MORN1: variants seen among roughly 807,000 people sequenced by gnomAD.
MORN1 encodes the protein MORN repeat containing 1, also known as MORN repeat-containing protein 1.
Under a neutral mutation model 61.9 loss-of-function variants are expected in MORN1, and 67 were observed. That is an observed-to-expected ratio of 1.08 (90% CI 0.89 to 1.33). The LOEUF (loss-of-function observed/expected upper bound fraction) is 1.33, where lower values mean the gene tolerates loss of function less well. MORN1 is among the 40% of genes most tolerant of loss of function. MORN1 has a pLI of 0.00. For synonymous variants in MORN1, 301 were observed against 292.0 expected, an observed-to-expected ratio of 1.03 and a Z score of -0.31; for missense variants, 752 against 691.2, an observed-to-expected ratio of 1.09 and a Z score of -0.99.
rs536406524 is a variant in MORN1 at position 2,387,103 on chromosome 1, C to G, written c.358+316G>C. On this transcript the variant is annotated intron_variant, in intron 4 of 13. Transcript: ENST00000378531. ...AAGCCCCTCCCTGCAGGGCCCAGGC[C>G]AACCTACTGACCCCAGGATCAGGAG... 8 of 399,664 alleles carry G rather than the reference C, an allele frequency of 2.0e-5. No homozygotes were observed. In the East Asian group the frequency reaches 3.3e-4, roughly 17 times the overall value. 24.8% of individuals were successfully genotyped at this position (399,664 alleles called of 1,614,324 possible).
intron 2 of MORN1, among the ~76,000 whole-genome samples, chr1:2,388,985 GC>G (rs1642574262): frequency 1.3e-5 from 2 of 151,734 alleles, no homozygotes; most frequent in South Asian, 4.2e-4. Flanking sequence ...GGTGGCAGGT[GC>G]CTGTAATCCC....
chr1:2,383,456 C>G (rs1642416606), intron 6 of MORN1, among the ~76,000 whole-genome samples: 1 of 152,212 alleles, frequency 6.6e-6, no homozygotes, highest in Admixed American at 6.5e-5. Context: ...CTGGGTTCCT[C>G]CTAGTTCCAG....
At position 2,337,309 on chromosome 1, in the gene MORN1, T is replaced by G. The variant is rs1641302365; in HGVS notation, c.1037-459A>C. On this transcript the variant is annotated intron_variant, in intron 10 of 13. Transcript: ENST00000378531. The surrounding 1 kb of genome is among the most constrained non-coding windows in gnomAD (Gnocchi z 5.7). ...CCCCAGCGGCCCATCAAGATGGACC[T>G]GGCGTCAGGACCCGTTCTCCACAGG... Among the ~76,000 whole-genome samples the G allele has an allele frequency of 1.3e-5, 2 of 152,120 alleles. No individual in the cohort carries two copies. The highest frequency in any genetic ancestry group is 4.8e-5 in the African/African-American group (2 of 41,412).
intron 10 of MORN1, among the ~76,000 whole-genome samples, chr1:2,345,115 C>T (rs1641484599): frequency 6.6e-6 from 1 of 150,814 alleles, no homozygotes; most frequent in African/African-American, 2.5e-5. Flanking sequence ...CATGGATGGC[C>T]ACATGTGCCC....
At chr1:2,388,376 T>G (rs1426284145) in intron 2 of MORN1, 39 bp from the exon 3 acceptor site, 2 of 1,532,328 alleles carry the variant, frequency 1.3e-6, no homozygotes, top group Non-Finnish European at 1.8e-6. Context: ...AGACAGTGGT[T>G]GGGTTGACTG....
chr1:2,338,509 C>T (rs2843143), intron 10 of MORN1, among the ~76,000 whole-genome samples: 27,432 of 152,110 alleles, frequency 0.18, 2,560 homozygotes, highest in Middle Eastern at 0.2. Context: ...AGCTCTGTAT[C>T]CTAATCATGC....
intron 1 of MORN1, among the ~76,000 whole-genome samples, chr1:2,390,947 T>C (rs748171696): frequency 2.0e-5 from 3 of 152,162 alleles, no homozygotes; most frequent in Non-Finnish European, 4.4e-5. Context: ...GGTTTCGCCA[T>C]GTTGGCCACA....
intron 7 of MORN1, among the ~76,000 whole-genome samples, chr1:2,373,713 C>A (rs1642174130): frequency 6.6e-6 from 1 of 152,216 alleles, no homozygotes; most frequent in Non-Finnish European, 1.5e-5. Flanking sequence ...GCTCCCCAGG[C>A]ACCTGGCCAC....
chr1:2,373,211 A>C (rs1340351110), intron 7 of MORN1, among the ~76,000 whole-genome samples: 1 of 152,150 alleles, frequency 6.6e-6, no homozygotes, highest in East Asian at 1.9e-4. Context: ...CTTTAAAAGC[A>C]GATGCTGAGA....
In MORN1 at chr1:2,345,855, A is replaced by ACACACACAC. The variant is rs1557875132; in HGVS notation, c.1037-9006_1037-9005insGTGTGTGTG. Among the ~76,000 whole-genome samples the ACACACACAC allele has an allele frequency of 4.0e-5, 4 of 98,792 alleles. No individual in the cohort carries two copies. The South Asian group carries it at 1.3e-3, about 31-fold the overall frequency. The allele number at this position is 98,792 out of a possible 152,430, so 64.8% of individuals were successfully genotyped here. A position where few individuals can be genotyped will look rare whatever the true frequency, so the allele number is the denominator to read the frequency against. On this transcript the variant is annotated intron_variant, in intron 10 of 13. Coordinates refer to ENST00000378531, the MANE Select transcript of MORN1 (RefSeq NM_024848.3). The stretch of plus-strand genomic sequence containing the variant: ...CACACACACACACACACACACACAC[A>ACACACACAC]GATGTTTGCTCTTATCTCTATGACG...
intron 12 of MORN1, among the ~76,000 whole-genome samples, chr1:2,335,847 G>A (rs538489264): frequency 3.7e-5 from 5 of 134,826 alleles, no homozygotes; most frequent in South Asian, 2.1e-4. Context: ...CCAGCCCAGC[G>A]CGCAGCTGCC....
intron 10 of MORN1, among the ~76,000 whole-genome samples, chr1:2,339,946 G>C (rs1178371832): frequency 6.6e-6 from 1 of 152,252 alleles, no homozygotes; most frequent in Non-Finnish European, 1.5e-5. Context: ...TCCTGCTCAG[G>C]GCACCCTCTG....
intron 13 of MORN1, chr1:2,322,409 G>A (rs747109395): frequency 3.6e-5 from 35 of 985,320 alleles, no homozygotes; most frequent in Non-Finnish European, 3.9e-5. Context: ...CATTCCAGAC[G>A]CCGGCCTGGA....
chr1:2,355,199 A>G, intron 10 of MORN1: 4 of 1,263,630 alleles, frequency 3.2e-6, no homozygotes, highest in Non-Finnish European at 4.0e-6. Flanking sequence ...TTATGCAGAA[A>G]TATGAGAGCT....
At chr1:2,363,746 CAGTG>C (rs1641941018) in intron 8 of MORN1, 2 of 130,712 alleles carry the variant, frequency 1.5e-5, no homozygotes, top group Non-Finnish European at 3.1e-5. Flanking sequence ...GCCTGGGTGA[CAGTG>C]AGACCTTGTC....
intron 12 of MORN1, 94 bp from the exon 13 acceptor site, chr1:2,324,237 C>T (rs1187459982): frequency 7.5e-7 from 1 of 1,336,552 alleles, no homozygotes; most frequent in African/African-American, 1.5e-5. Context: ...GGCTCCAGGG[C>T]AGATTCAGGG....
chr1:2,326,040 C>T (rs560603413), intron 12 of MORN1, among the ~76,000 whole-genome samples: 1 of 152,136 alleles, frequency 6.6e-6, no homozygotes, highest in South Asian at 2.1e-4. Context: ...GGCCTCCTCC[C>T]GCCGTCCTGC....
At chr1:2,387,854 A>G in intron 3 of MORN1, 1 of 430,528 alleles carries the variant, frequency 2.3e-6, no homozygotes, top group Non-Finnish European at 4.2e-6. Flanking sequence ...AGCCTGAGAG[A>G]AAACACCTCC....
At chr1:2,358,067 A>G (rs541583747) in intron 9 of MORN1, among the ~76,000 whole-genome samples, 6 of 152,228 alleles carry the variant, frequency 3.9e-5, no homozygotes, top group Admixed American at 2.6e-4. Flanking sequence ...CGGGGCTTAG[A>G]GTGAGGCCTC....
Sources: allele counts gnomAD v4.1 joint callset (sites outside exome capture counted in the v4.1 genomes callset), GRCh38; gene constraint gnomAD v4.1.1; non-coding constraint Gnocchi (gnomAD v3.1); transcripts MANE v1.5; gene names NCBI Gene and HGNC (gene_info 2026-07-23, HGNC 2026-07-21).